The following HK2 variants were observed in gnomAD, a reference collection of about 807,000 sequenced individuals.
HK2 encodes hexokinase 2, also known as hexokinase-2.
A neutral mutation model predicts 92.9 loss-of-function variants in HK2; 42 were observed. The ratio of observed to expected loss-of-function variants is 0.45; its 90% CI spans 0.35 to 0.58. The LOEUF (loss-of-function observed/expected upper bound fraction) is 0.58. Ranked by LOEUF, HK2 falls within the 20% of genes least tolerant of loss-of-function variation. The probability of loss-of-function intolerance (pLI) is 0.00; values close to 1 mark genes in which losing one functional copy is unlikely to be tolerated. For synonymous variants in HK2, 422 were observed against 468.0 expected (o/e 0.90, Z 1.27); for missense variants, 978 against 1,245.1 (o/e 0.79, Z 3.23).
In HK2 at chr2:74,890,937, G is replaced by A. The variant is rs761837762; in HGVS notation, c.2750G>A (p.Arg917Gln). 7 of 1,614,008 alleles carry A rather than the reference G, an allele frequency of 4.3e-6. No individual in the cohort carries two copies. Among genetic ancestry groups the A allele is most frequent in the African/African-American group, 4.0e-5 (3 of 74,912 alleles). The change falls in exon 18 of 18, where the codon CGA becomes CAA. Residue 917 changes from arginine to glutamine, a missense_variant. Arg to Gln is a conservative substitution (Grantham distance 43, BLOSUM62 1). Transcript: ENST00000290573. ...VACRIREAGQ[R>Q] The stretch of plus-strand genomic sequence containing the variant: ...TGCCGCATCCGTGAGGCTGGACAGC[G>A]ATAGAACCCCTGAAATCGGAAGGGA...
chr2:74,860,504 G>A (rs969019373), intron 2 of HK2, among the ~76,000 whole-genome samples: 2 of 152,002 alleles, frequency 1.3e-5, no homozygotes, highest in African/African-American at 4.8e-5. Flanking sequence ...CATATAAATC[G>A]ACTCACACAG....
Position 74,891,099 on chromosome 2 carries a change from CTTGGTGGCTGAG to C in HK2, c.*159_*170del. 1 of 795,028 alleles carries C rather than the reference CTTGGTGGCTGAG, an allele frequency of 1.3e-6. No homozygotes were observed. Among genetic ancestry groups the C allele is most frequent in the Non-Finnish European group, 2.0e-6 (1 of 491,554 alleles). 49.2% of individuals were successfully genotyped at this position (795,028 alleles called of 1,614,324 possible). On this transcript the variant is annotated 3_prime_UTR_variant, in exon 18 of 18. Coordinates refer to ENST00000290573, the MANE Select transcript of HK2 (RefSeq NM_000189.5). ...TTTGTCTCTGCATCTCATTGTAGAG[CTTGGTGGCTGAG>C]CTTGGCCCTATTAAGATAAATAGAG...
intron 3 of HK2, 92 bp downstream of exon 3, chr2:74,867,876 A>G: frequency 6.9e-7 from 1 of 1,445,552 alleles, no homozygotes; most frequent in Admixed American, 1.7e-5. Context: ...CAGCGTGTGG[A>G]TAGGCAGTCA....
chr2:74,855,073 C>T (rs894889320), intron 2 of HK2, among the ~76,000 whole-genome samples: 3 of 152,140 alleles, frequency 2.0e-5, no homozygotes, highest in Non-Finnish European at 2.9e-5. Flanking sequence ...CTCGGCTCAC[C>T]GCAACCTCCG....
At chr2:74,878,432 T>TGTGCGCGCACGCACATGCGTGTGC (rs1553449236) in intron 8 of HK2, among the ~76,000 whole-genome samples, 5 of 150,672 alleles carry the variant, frequency 3.3e-5, no homozygotes, top group African/African-American at 1.2e-4. Context: ...TGTGTGTGTG[T>TGTGCGCGCACGCACATGCGTGTGC]GTGTGTGCGC....
intron 2 of HK2, among the ~76,000 whole-genome samples, chr2:74,859,165 A>G (rs1286097738): frequency 1.3e-5 from 2 of 152,214 alleles, no homozygotes; most frequent in East Asian, 1.9e-4. Context: ...CAACCCCCCA[A>G]TCCTTCTATC....
At position 74,881,727 on chromosome 2, in the gene HK2, G is replaced by C; in HGVS notation, c.1587G>C (p.Leu529Phe). The stretch of plus-strand genomic sequence containing the variant: ...ATTTTCCAGAGAAAGGGGACTTCTT[G>C]GCCTTGGACCTTGGAGGAACAAATT... ...TPDGTEKGDF[L>F]ALDLGGTNFR... The change falls in exon 11 of 18, where the codon TTG (leucine) becomes TTC (phenylalanine). Residue 529 changes from leucine to phenylalanine, a missense_variant. Transcript: ENST00000290573. The C allele has an allele frequency of 6.2e-7, 1 of 1,614,166 alleles. No homozygotes were observed. The highest frequency in any genetic ancestry group is 8.5e-7 in the Non-Finnish European group (1 of 1,180,032).
intron 3 of HK2, among the ~76,000 whole-genome samples, chr2:74,869,908 T>C (rs1416862025): frequency 6.6e-6 from 1 of 152,150 alleles, no homozygotes. Context: ...CCCTGTGCAA[T>C]ATGATAGGCA....
intron 1 of HK2, among the ~76,000 whole-genome samples, chr2:74,848,220 C>T (rs28362970): frequency 9.9e-5 from 15 of 152,210 alleles, no homozygotes; most frequent in Non-Finnish European, 2.1e-4. Flanking sequence ...GTATTGTGCC[C>T]GACATTCTTA....
intron 4 of HK2, among the ~76,000 whole-genome samples, chr2:74,872,731 A>G (rs1311548382): frequency 6.6e-6 from 1 of 152,206 alleles, no homozygotes; most frequent in East Asian, 1.9e-4. Flanking sequence ...GAAGAAAGAT[A>G]CTTGGAGAGT....
At chr2:74,856,668 T>C (rs1024655258) in intron 2 of HK2, among the ~76,000 whole-genome samples, 6 of 152,170 alleles carry the variant, frequency 3.9e-5, no homozygotes, top group Non-Finnish European at 8.8e-5. Flanking sequence ...TTCAAAAACC[T>C]TTATGGTAAG....
chr2:74,873,308 G>A lies in HK2; in HGVS notation c.528G>A (p.Lys176=). The A allele has an allele frequency of 6.2e-7, 1 of 1,613,998 alleles. No homozygotes were observed. The highest frequency in any genetic ancestry group is 8.5e-7 in the Non-Finnish European group (1 of 1,179,852). The change falls in exon 5 of 18, where the codon AAG becomes AAA. Residue 176 remains lysine, a synonymous_variant. Transcript: ENST00000290573. ...TGGTCTCATGGACCAAGGGATTCAAGTCCAGTGGAGTGGAAGGCAGAGACG... is the reference window on the plus strand; with the variant it reads ...TGGTCTCATGGACCAAGGGATTCAAATCCAGTGGAGTGGAAGGCAGAGACG... ...SFLVSWTKGF[K]SSGVEGRDVV... is the part of the protein sequence containing the mutation.
At chr2:74,862,356 G>A (rs114929641) in intron 2 of HK2, among the ~76,000 whole-genome samples, 4,080 of 152,316 alleles carry the variant, frequency 0.027, 82 homozygotes, top group Non-Finnish European at 0.038. Context: ...ACTAACCTAG[G>A]CCTAGCTGTT....
At chr2:74,841,318 G>C (rs760007720) in intron 1 of HK2, among the ~76,000 whole-genome samples, 2 of 151,624 alleles carry the variant, frequency 1.3e-5, no homozygotes. Flanking sequence ...GGGTGAGTGT[G>C]TGTTACTGAT....
At position 74,893,078 on chromosome 2, in the gene HK2, T is replaced by A. The variant is rs1173458824; in HGVS notation, c.*2137T>A. 6.6e-6 allele frequency: 1 copy of A among 151,818 alleles called. No homozygotes were observed. Among genetic ancestry groups the A allele is most frequent in the Non-Finnish European group, 1.5e-5 (1 of 67,970 alleles). 9.4% of individuals were successfully genotyped at this position (151,818 alleles called of 1,614,324 possible). Reference sequence around the variant, plus strand: ...GTAGAGATGTGTGTGTGTGTAGGTATTAAAGATGTGTTGTTGGTTTCCAAA... The same window carrying A: ...GTAGAGATGTGTGTGTGTGTAGGTAATAAAGATGTGTTGTTGGTTTCCAAA... On this transcript the variant is annotated 3_prime_UTR_variant, in exon 18 of 18. Coordinates refer to ENST00000290573, the MANE Select transcript of HK2 (RefSeq NM_000189.5).
rs1573396994 is a variant in HK2, at chr2:74,892,322, C to T, written c.*1381C>T. On this transcript the variant is annotated 3_prime_UTR_variant, in exon 18 of 18. Transcript: ENST00000290573. ...CAGCCAAATAAAACCTCAGGGACAA[C>T]ATTTTTGGTGTATTTGAGCCCTCCC... 1 of 152,138 alleles carries T rather than the reference C, an allele frequency of 6.6e-6. No individual in the cohort carries two copies. The highest frequency in any genetic ancestry group is 1.5e-5 in the Non-Finnish European group (1 of 68,020). The allele number at this position is 152,138 out of a possible 1,614,324, so 9.4% of individuals were successfully genotyped here.
intron 17 of HK2, 84 bp downstream of exon 17, chr2:74,889,562 T>C (rs1007893579): frequency 2.1e-6 from 2 of 933,856 alleles, no homozygotes; most frequent in Admixed American, 2.0e-5. Flanking sequence ...CCTTTGTTAC[T>C]TTATAGTGAA....
At chr2:74,878,335 T>C (rs1689283812) in intron 8 of HK2, among the ~76,000 whole-genome samples, 1 of 152,130 alleles carries the variant, frequency 6.6e-6, no homozygotes, top group African/African-American at 2.4e-5. Context: ...AACTTGGTGG[T>C]AAAGCACCAA....
intron 1 of HK2, among the ~76,000 whole-genome samples, chr2:74,851,344 A>G (rs1287327007): frequency 6.6e-6 from 1 of 152,180 alleles, no homozygotes; most frequent in Non-Finnish European, 1.5e-5. Context: ...CCATCACCCC[A>G]TTACTGTTTT....
Sources: allele counts gnomAD v4.1 joint callset (sites outside exome capture counted in the v4.1 genomes callset), GRCh38; gene constraint gnomAD v4.1.1; transcripts MANE v1.5; gene names NCBI Gene and HGNC (gene_info 2026-07-23, HGNC 2026-07-21).